Variants in SLC22A31 observed in about 807,000 individuals in gnomAD.
The protein encoded by SLC22A31 is solute carrier family 22 member 31.
SLC22A31 carries 42 observed loss-of-function variants against 27.4 expected under a neutral mutation model. The ratio of observed to expected loss-of-function variants is 1.53; its 90% CI spans 1.20 to 1.98. The LOEUF (loss-of-function observed/expected upper bound fraction) is 1.98. Ranked by LOEUF, SLC22A31 falls within the 30% of genes most tolerant of loss-of-function variation. The pLI, the probability that SLC22A31 is intolerant of heterozygous loss-of-function variation, is 0.00. For synonymous variants in SLC22A31, 290 were observed against 230.8 expected, an observed-to-expected ratio of 1.26 and a Z score of -2.33; for missense variants, 593 against 479.9, an observed-to-expected ratio of 1.24 and a Z score of -2.20.
Position 89,195,897 on chromosome 16 carries a change from T to C in SLC22A31, c.*102A>G. 1 of 1,306,114 alleles carries C rather than the reference T, an allele frequency of 7.7e-7. No homozygotes were observed. The highest frequency in any genetic ancestry group is 1.6e-5 in the South Asian group (1 of 63,676). 80.9% of individuals were successfully genotyped at this position (1,306,114 alleles called of 1,614,324 possible). ...CCACCTGCACTGAGACACGGGCTTC[T>C]GAGAGGAATGTGTCTGCCCTGGACC... On this transcript the variant is annotated 3_prime_UTR_variant, in exon 9 of 9. Transcript: ENST00000682282.
Position 89,196,039 on chromosome 16 carries a change from G to C in SLC22A31, c.1301C>G (p.Ser434Cys). ...RQDHLPLLPP[S>C]NSYWAGHTPE... ...GGTGTGGCCGGCCCAGTAGGAGTTG[G>C]AGGGCGGCAGCAGAGGCAGGTGGTC... The change falls in exon 9 of 9, where the codon TCC (serine) becomes TGC (cysteine). Residue 434 changes from serine (S) to cysteine (C), a missense_variant. By Grantham distance (112) the Ser-to-Cys change is moderately radical. Transcript: ENST00000682282. 6.5e-7 allele frequency: 1 copy of C among 1,528,342 alleles called. No individual in the cohort carries two copies. Among genetic ancestry groups the C allele is most frequent in the Non-Finnish European group, 8.7e-7 (1 of 1,143,526 alleles). 94.7% of individuals were successfully genotyped at this position (1,528,342 alleles called of 1,614,324 possible). A position where few individuals can be genotyped will look rare whatever the true frequency, so the allele number is the denominator to read the frequency against.
At chr16:89,201,676 T>C, upstream of SLC22A31, 2 of 394,000 alleles carry the variant, frequency 5.1e-6, no homozygotes, top group South Asian at 1.3e-4. Context: ...GGTCGCAGGC[T>C]GCGCTCGGGA....
chr16:89,199,922 C>T, intron 1 of SLC22A31, 106 bp from the exon 2 acceptor site: 1 of 400,008 alleles, frequency 2.5e-6, no homozygotes, highest in Non-Finnish European at 4.4e-6. Context: ...ATGTCCTGCT[C>T]AATCCCTCCG....
In SLC22A31 at chr16:89,199,132, A is replaced by G. The variant is rs1916295137; in HGVS notation, c.343T>C (p.Ser115Pro). ...GGCAGCAGCAGGGTGCCCACCACCG[A>G]GAAAAGGCCAGCCCCCATGGAGAAG... ...LAFSMGAGLF[S>P]VVGTLLLPGL... The change falls in exon 4 of 9, where the codon TCG becomes CCG. Residue 115 changes from serine to proline, a missense_variant. Transcript: ENST00000682282. The G allele has an allele frequency of 2.6e-6, 4 of 1,535,184 alleles. No homozygotes were observed. Among genetic ancestry groups the G allele is most frequent in the Non-Finnish European group, 3.5e-6 (4 of 1,146,652 alleles).
At chr16:89,199,648 G>C in intron 2 of SLC22A31, 65 bp downstream of exon 2, 5 of 406,052 alleles carry the variant, frequency 1.2e-5, no homozygotes, top group Non-Finnish European at 1.7e-5. Context: ...ACCAGGTCTA[G>C]CTGAACCCTG....
chr16:89,196,488 G>T (rs887644831), intron 8 of SLC22A31, 183 bp from the exon 9 acceptor site: 2 of 1,172,266 alleles, frequency 1.7e-6, no homozygotes, highest in African/African-American at 3.1e-5. Context: ...GAGTGCGTTG[G>T]GGGCAGCTGG....
chr16:89,200,112 G>A (rs966518394), intron 1 of SLC22A31: 4 of 290,382 alleles, frequency 1.4e-5, no homozygotes, highest in East Asian at 1.1e-4. Context: ...CTTCCCCCAC[G>A]GCCAGCTCTT....
chr16:89,201,619 G>A (rs1366670417), upstream of SLC22A31: 9 of 398,334 alleles, frequency 2.3e-5, no homozygotes, highest in Middle Eastern at 3.8e-4. Context: ...CGCCGGGCCC[G>A]GCCAAAGCCG....
Position 89,196,085 on chromosome 16 carries a change from G to C in SLC22A31, c.1255C>G (p.Leu419Val). ...DADRLRRSPL[L>V]RGRPRQDHLP... ...TGGTCCTGGCGGGGGCGGCCCCGCA[G>C]GAGTGGGGAGCGGCGCAGGCGGTCG... Residue 419 changes from leucine (L) to valine (V), a missense_variant, in exon 9 of 9, where the codon CTG becomes GTG. Physicochemically the swap from Leu to Val is conservative, Grantham distance 32. Transcript: ENST00000682282. The C allele has an allele frequency of 6.5e-7, 1 of 1,533,100 alleles. No homozygotes were observed. The highest frequency in any genetic ancestry group is 8.7e-7 in the Non-Finnish European group (1 of 1,145,990). 95.0% of individuals were successfully genotyped at this position (1,533,100 alleles called of 1,614,324 possible). A position where few individuals can be genotyped will look rare whatever the true frequency, so the allele number is the denominator to read the frequency against.
At position 89,198,170 on chromosome 16, in the gene SLC22A31, T is replaced by C. The variant is rs1021584921; in HGVS notation, c.874A>G (p.Thr292Ala). The part of the protein sequence containing the change: ...CGRRPVLLLG[T>A]MVTGLASLLL... ...AGGGATGCCAGGCCTGTGACCATGG[T>C]GCCCAGCAGCAGCACGGGGCGGCGT... The change falls in exon 7 of 9, where the codon ACC becomes GCC. Residue 292 changes from threonine (T) to alanine (A), a missense_variant. Physicochemically the swap from Thr to Ala is moderately conservative, Grantham distance 58. Coordinates refer to ENST00000682282, the MANE Select transcript of SLC22A31 (RefSeq NM_001384763.1). 13 of 1,535,020 alleles carry C rather than the reference T, an allele frequency of 8.5e-6. No individual in the cohort carries two copies. The African/African-American group carries it at 1.8e-4, about 21-fold the overall frequency.
At position 89,195,946 on chromosome 16, in the gene SLC22A31, G is replaced by A; in HGVS notation, c.*53C>T. On this transcript the variant is annotated 3_prime_UTR_variant, in exon 9 of 9. Coordinates refer to ENST00000682282, the MANE Select transcript of SLC22A31 (RefSeq NM_001384763.1). Reference sequence around the variant, plus strand: ...CCAGACGTCTGGGGTACTCAGCCATGCCCCAGGCCTTGACTTTGGTCCCAT... The same window carrying A: ...CCAGACGTCTGGGGTACTCAGCCATACCCCAGGCCTTGACTTTGGTCCCAT... The A allele has an allele frequency of 1.4e-6, 2 of 1,437,320 alleles. No homozygotes were observed. The highest frequency in any genetic ancestry group is 1.8e-6 in the Non-Finnish European group (2 of 1,096,880). The allele number at this position is 1,437,320 out of a possible 1,614,324, so 89.0% of individuals were successfully genotyped here.
At chr16:89,200,130 C>G (rs990921877) in intron 1 of SLC22A31, 6 of 271,410 alleles carry the variant, frequency 2.2e-5, no homozygotes, top group African/African-American at 8.8e-5. Context: ...CTTGTCCGAC[C>G]CGTTTCCACC....
chr16:89,195,895 T>C lies in SLC22A31; in HGVS notation c.*104A>G. 1 of 1,298,428 alleles carries C rather than the reference T, an allele frequency of 7.7e-7. No homozygotes were observed. The allele number at this position is 1,298,428 out of a possible 1,614,324, so 80.4% of individuals were successfully genotyped here. A position where few individuals can be genotyped will look rare whatever the true frequency, so the allele number is the denominator to read the frequency against. ...CTCCACCTGCACTGAGACACGGGCT[T>C]CTGAGAGGAATGTGTCTGCCCTGGA... On this transcript the variant is annotated 3_prime_UTR_variant, in exon 9 of 9. Coordinates refer to ENST00000682282, the MANE Select transcript of SLC22A31 (RefSeq NM_001384763.1).
At chr16:89,197,539 C>A in intron 7 of SLC22A31, 130 bp from the exon 8 acceptor site, 1 of 633,780 alleles carries the variant, frequency 1.6e-6, no homozygotes, top group Non-Finnish European at 2.7e-6. Context: ...TCCAGCCCCC[C>A]TGAGAAACCT....
At chr16:89,198,379 A>C in intron 6 of SLC22A31, 43 bp from the exon 7 acceptor site, 1 of 1,532,336 alleles carries the variant, frequency 6.5e-7, no homozygotes, top group Non-Finnish European at 8.7e-7. Context: ...AGAGCCGGGG[A>C]CTCTGGGGAC....
chr16:89,195,864 C>CCACGGCTCCACCTGCACTGAGA lies in SLC22A31; in HGVS notation c.*113_*134dup. ...GGCTGGAGACACCTTCACGCTGTCC[C>CCACGGCTCCACCTGCACTGAGA]CACGGCTCCACCTGCACTGAGACAC... On this transcript the variant is annotated 3_prime_UTR_variant, in exon 9 of 9. Coordinates refer to ENST00000682282, the MANE Select transcript of SLC22A31 (RefSeq NM_001384763.1). 9.2e-7 allele frequency: 1 copy of CCACGGCTCCACCTGCACTGAGA among 1,085,898 alleles called. No homozygotes were observed. The highest frequency in any genetic ancestry group is 1.8e-5 in the South Asian group (1 of 56,750). 67.3% of individuals were successfully genotyped at this position (1,085,898 alleles called of 1,614,324 possible).
At chr16:89,197,184 TC>T (rs1423692838) in intron 8 of SLC22A31, 113 bp downstream of exon 8, 18 of 751,110 alleles carry the variant, frequency 2.4e-5, no homozygotes, top group Non-Finnish European at 3.2e-5. Flanking sequence ...GATGGAGGAA[TC>T]ACAGGCAGGA....
At chr16:89,198,002 C>G (rs1916131099) in intron 7 of SLC22A31, 120 bp downstream of exon 7, 3 of 1,059,386 alleles carry the variant, frequency 2.8e-6, no homozygotes, top group Non-Finnish European at 4.0e-6. Context: ...AAACAAACAG[C>G]AGCTGGCCTT....
At chr16:89,196,610 G>C (rs1011907011) in intron 8 of SLC22A31, among the ~76,000 whole-genome samples, 1 of 152,188 alleles carries the variant, frequency 6.6e-6, no homozygotes, top group Non-Finnish European at 1.5e-5. Flanking sequence ...AAATTGTTTT[G>C]GAAAAACCTC....
Sources: gnomAD v4.1 joint callset for allele counts (sites outside exome capture counted in the v4.1 genomes callset) on GRCh38, gnomAD v4.1.1 for gene constraint, MANE v1.5 for transcripts, NCBI Gene and HGNC (gene_info 2026-07-23, HGNC 2026-07-21) for gene names.